Variants in RAB11FIP3 observed in about 807,000 individuals in gnomAD.
RAB11FIP3 encodes RAB11 family interacting protein 3, also known as rab11 family-interacting protein 3.
In RAB11FIP3, 17 loss-of-function variants were observed where a neutral mutation model predicts 77.8. The observed-to-expected ratio is 0.22, with a 90% confidence interval of 0.15 to 0.33. RAB11FIP3 has a LOEUF of 0.33. Ranked by LOEUF, RAB11FIP3 falls within the 10% of genes least tolerant of loss-of-function variation. The pLI, the probability that RAB11FIP3 is intolerant of heterozygous loss-of-function variation, is 1.00. For synonymous variants in RAB11FIP3, 437 were observed against 448.2 expected, an observed-to-expected ratio of 0.98 and a Z score of 0.31; for missense variants, 1,005 against 1,011.2, an observed-to-expected ratio of 0.99 and a Z score of 0.08.
intron 1 of RAB11FIP3, among the ~76,000 whole-genome samples, chr16:436,751 T>C (rs986640153): frequency 3.3e-5 from 5 of 152,150 alleles, no homozygotes; most frequent in Non-Finnish European, 7.4e-5. Flanking sequence ...ATTACAGATA[T>C]GAGCTACCGC....
At chr16:444,004 G>A (rs1358239868) in intron 1 of RAB11FIP3, among the ~76,000 whole-genome samples, 1 of 152,198 alleles carries the variant, frequency 6.6e-6, no homozygotes, top group Non-Finnish European at 1.5e-5. Flanking sequence ...TATTTGAGCT[G>A]ATGTTCCTCT....
rs114618561 is a variant in RAB11FIP3 at position 463,324 on chromosome 16, T to C, written c.808+1827T>C. On this transcript the variant is annotated intron_variant, in intron 2 of 13. Coordinates refer to ENST00000262305, the MANE Select transcript of RAB11FIP3 (RefSeq NM_014700.4). ...GCCCTTGGACCTCGACCTCAGGTCTTGTCTGTCTCCTCCACAGAATTATTG... is the reference window on the plus strand; with the variant it reads ...GCCCTTGGACCTCGACCTCAGGTCTCGTCTGTCTCCTCCACAGAATTATTG... Among the ~76,000 whole-genome samples the C allele has an allele frequency of 6.1e-3, 924 of 152,190 alleles. 10 individuals are homozygous for C. Among genetic ancestry groups the C allele is most frequent in the African/African-American group, 0.021 (879 of 41,512 alleles).
At chr16:478,295 C>T (rs898039252) in intron 3 of RAB11FIP3, among the ~76,000 whole-genome samples, 4 of 151,622 alleles carry the variant, frequency 2.6e-5, no homozygotes, top group African/African-American at 9.7e-5. Flanking sequence ...TGGGTTCAAG[C>T]GATTCTCCTG....
intron 2 of RAB11FIP3, among the ~76,000 whole-genome samples, chr16:469,030 T>C (rs150981302): frequency 1.4e-3 from 215 of 152,286 alleles, no homozygotes; most frequent in Non-Finnish European, 2.7e-3. Flanking sequence ...GCAAGACTGT[T>C]AGCATTTTAA....
chr16:447,985 GGAAAAA>G (rs1465778355), intron 1 of RAB11FIP3, among the ~76,000 whole-genome samples: 1 of 127,624 alleles, frequency 7.8e-6, no homozygotes, highest in Admixed American at 7.8e-5. Flanking sequence ...AATTAAAAAA[GGAAAAA>G]GAAAAAAAAC....
intron 5 of RAB11FIP3, among the ~76,000 whole-genome samples, chr16:496,347 G>A (rs2031127880): frequency 6.6e-6 from 1 of 152,258 alleles, no homozygotes; most frequent in Non-Finnish European, 1.5e-5. Context: ...ATGGCAACGG[G>A]AAAGGTTTCC....
chr16:494,725 G>T (rs908390606), intron 5 of RAB11FIP3, among the ~76,000 whole-genome samples: 1 of 152,210 alleles, frequency 6.6e-6, no homozygotes, highest in Non-Finnish European at 1.5e-5. Flanking sequence ...CAAAGAATGG[G>T]CTGAGTGTGG....
At position 461,095 on chromosome 16, in the gene RAB11FIP3, G is replaced by A. The variant is rs890912623; in HGVS notation, c.715-309G>A. ...TCATAGAAGACGCCTTTCCACAGAC[G>A]GGCAGGGCGTTGGGGTGGTTTCAGG... On this transcript the variant is annotated intron_variant, in intron 1 of 13. Transcript: ENST00000262305. This position sits in a 1 kb window ranked among gnomAD's most constrained non-coding sequence, Gnocchi z 4.5. 6.6e-6 allele frequency among the ~76,000 whole-genome samples: 1 copy of A among 152,180 alleles called. No individual in the cohort carries two copies. Among genetic ancestry groups the A allele is most frequent in the Non-Finnish European group, 1.5e-5 (1 of 68,040 alleles).
intron 2 of RAB11FIP3, among the ~76,000 whole-genome samples, chr16:466,751 G>A (rs979575801): frequency 1.3e-5 from 2 of 152,140 alleles, no homozygotes; most frequent in African/African-American, 2.4e-5. Context: ...CCCAGACACC[G>A]TCCCCTTCTC....
At chr16:501,467 C>T (rs1303349293) in intron 6 of RAB11FIP3, among the ~76,000 whole-genome samples, 1 of 147,668 alleles carries the variant, frequency 6.8e-6, no homozygotes, top group African/African-American at 2.5e-5. Flanking sequence ...AGGATCCCCC[C>T]ATTTCATAGG....
chr16:449,268 T>C (rs1448192961), intron 1 of RAB11FIP3, among the ~76,000 whole-genome samples: 2 of 152,212 alleles, frequency 1.3e-5, no homozygotes, highest in African/African-American at 4.8e-5. Context: ...CTCACAGCGC[T>C]GTCACCAGGC....
intron 3 of RAB11FIP3, among the ~76,000 whole-genome samples, chr16:475,592 G>A (rs190293747): frequency 1.1e-3 from 164 of 152,292 alleles, no homozygotes; most frequent in Non-Finnish European, 2.2e-3. Context: ...AAACCAACCC[G>A]CAGGGCTGAA....
At chr16:476,435 C>T (rs13333879) in intron 3 of RAB11FIP3, among the ~76,000 whole-genome samples, 18,006 of 152,210 alleles carry the variant, frequency 0.12, 1,259 homozygotes, top group East Asian at 0.2. Context: ...AAGCAGGCCC[C>T]ACTGCCCGGA....
intron 9 of RAB11FIP3, among the ~76,000 whole-genome samples, chr16:515,352 T>C (rs2032350908): frequency 6.6e-6 from 1 of 152,196 alleles, no homozygotes; most frequent in African/African-American, 2.4e-5. Context: ...TATGCTCCAC[T>C]CAGCAAAACA....
chr16:452,020 G>T (rs2055416395), intron 1 of RAB11FIP3, among the ~76,000 whole-genome samples: 1 of 152,080 alleles, frequency 6.6e-6, no homozygotes, highest in East Asian at 1.9e-4. Context: ...GTGATGGCAG[G>T]CGCCTGTAAT....
At chr16:516,617 C>T (rs1468776359) in intron 9 of RAB11FIP3, among the ~76,000 whole-genome samples, 3 of 152,226 alleles carry the variant, frequency 2.0e-5, no homozygotes, top group Non-Finnish European at 4.4e-5. Context: ...TGGCTCACGC[C>T]TGTAACCCCA....
At chr16:446,553 C>A (rs1331575099) in intron 1 of RAB11FIP3, among the ~76,000 whole-genome samples, 3 of 152,194 alleles carry the variant, frequency 2.0e-5, no homozygotes, top group Non-Finnish European at 2.9e-5. Flanking sequence ...GTGGTCTCAT[C>A]CTTCACAGTA....
chr16:431,365 C>G (rs932341497), intron 1 of RAB11FIP3, among the ~76,000 whole-genome samples: 58 of 151,674 alleles, frequency 3.8e-4, no homozygotes, highest in Middle Eastern at 3.5e-3. Flanking sequence ...CATTATTTTA[C>G]TACATTTCTT....
chr16:475,944 C>T (rs1299626247), intron 3 of RAB11FIP3, among the ~76,000 whole-genome samples: 1 of 152,180 alleles, frequency 6.6e-6, no homozygotes, highest in Non-Finnish European at 1.5e-5. Context: ...GCAACCTCCA[C>T]CTCCCAGATT....
Sources: gnomAD v4.1 joint callset for allele counts (sites outside exome capture counted in the v4.1 genomes callset) on GRCh38, gnomAD v4.1.1 for gene constraint, Gnocchi (gnomAD v3.1) non-coding constraint, MANE v1.5 for transcripts, NCBI Gene and HGNC (gene_info 2026-07-23, HGNC 2026-07-21) for gene names.